Variants in CORIN observed in about 807,000 individuals in gnomAD.
CORIN encodes atrial natriuretic peptide-converting enzyme.
In CORIN, 117 loss-of-function variants were observed where a neutral mutation model predicts 125.3. The ratio of observed to expected loss-of-function variants is 0.93; its 90% CI spans 0.80 to 1.09. The LOEUF (loss-of-function observed/expected upper bound fraction) is 1.09. Among genes scored for constraint, CORIN ranks in the 50% least tolerant of loss-of-function variants. The pLI, the probability that CORIN is intolerant of heterozygous loss-of-function variation, is 0.00. For missense variants in CORIN, 1,253 were observed against 1,306.7 expected (o/e 0.96, Z 0.63); for synonymous variants, 450 against 466.4 (o/e 0.96, Z 0.45).
chr4:47,714,745 G>A (rs775692756), intron 5 of CORIN, among the ~76,000 whole-genome samples: 1 of 152,230 alleles, frequency 6.6e-6, no homozygotes, highest in Non-Finnish European at 1.5e-5. Context: ...GCTGCAGGCT[G>A]TCTTTGGCTC....
At chr4:47,802,911 GGAGA>G (rs996659611) in intron 2 of CORIN, among the ~76,000 whole-genome samples, 2 of 152,108 alleles carry the variant, frequency 1.3e-5, no homozygotes, top group Non-Finnish European at 2.9e-5. Context: ...CTCAGCACAG[GGAGA>G]GAGAGAGACT....
intron 5 of CORIN, among the ~76,000 whole-genome samples, chr4:47,731,293 G>A (rs1385281725): frequency 1.3e-5 from 2 of 152,166 alleles, no homozygotes; most frequent in African/African-American, 4.8e-5. Flanking sequence ...GTGTGTGTGT[G>A]TCTGCATGCT....
At chr4:47,818,268 G>A (rs140059900) in intron 1 of CORIN, among the ~76,000 whole-genome samples, 163 of 152,310 alleles carry the variant, frequency 1.1e-3, no homozygotes, top group African/African-American at 3.6e-3. Flanking sequence ...AGGCTGAGCA[G>A]ATAAGAAGGA....
intron 16 of CORIN, among the ~76,000 whole-genome samples, chr4:47,641,305 ATACT>A (rs1004344635): frequency 6.6e-6 from 1 of 152,196 alleles, no homozygotes; most frequent in African/African-American, 2.4e-5. Flanking sequence ...GGTAAAAGAA[ATACT>A]TACACATTCT....
intron 15 of CORIN, 132 bp downstream of exon 15, chr4:47,643,014 C>A (rs1473660707): frequency 2.6e-6 from 4 of 1,543,666 alleles, no homozygotes; most frequent in Non-Finnish European, 2.6e-6. Flanking sequence ...TCAGCACTAT[C>A]AGCTTTTATA....
intron 3 of CORIN, among the ~76,000 whole-genome samples, chr4:47,785,358 T>G (rs775839766): frequency 1.3e-5 from 2 of 152,184 alleles, no homozygotes; most frequent in Non-Finnish European, 2.9e-5. Context: ...TAGAGTCACA[T>G]TCCAGAGCAT....
chr4:47,823,310 G>A (rs750460451), intron 1 of CORIN, among the ~76,000 whole-genome samples: 16 of 152,024 alleles, frequency 1.1e-4, no homozygotes, highest in Non-Finnish European at 7.4e-5. Context: ...TTGCTTTTTG[G>A]AACAAGATGC....
At chr4:47,744,873 A>G (rs1398755431) in intron 4 of CORIN, among the ~76,000 whole-genome samples, 2 of 152,204 alleles carry the variant, frequency 1.3e-5, no homozygotes, top group Non-Finnish European at 2.9e-5. Flanking sequence ...TTGTCAGCCT[A>G]AAAGAGCTCT....
chr4:47,711,937 C>G (rs1726860640), intron 5 of CORIN, among the ~76,000 whole-genome samples: 1 of 152,190 alleles, frequency 6.6e-6, no homozygotes, highest in Non-Finnish European at 1.5e-5. Context: ...CCAGTCCAGC[C>G]TAGGGCTGTA....
chr4:47,645,300 G>T, intron 13 of CORIN, 106 bp from the exon 14 acceptor site: 1 of 662,498 alleles, frequency 1.5e-6, no homozygotes, highest in Non-Finnish European at 2.6e-6. Context: ...TGTTGGCAGG[G>T]CGCAGTGGCT....
Position 47,827,936 on chromosome 4 carries a change from G to C in CORIN, c.63+9951C>G, listed in dbSNP as rs116423385. Among the ~76,000 whole-genome samples the C allele has an allele frequency of 6.7e-3, 1,018 of 152,264 alleles. 9 individuals carry two copies. Among genetic ancestry groups the C allele is most frequent in the African/African-American group, 0.023 (962 of 41,520 alleles). On this transcript the variant is annotated intron_variant, in intron 1 of 21. Coordinates refer to ENST00000273857, the MANE Select transcript of CORIN (RefSeq NM_006587.4). ...GTAAGATGTTCGGATCTGACCTCTA[G>C]CCAGAGTAGATACCCTCAGAGAAAC...
intron 10 of CORIN, among the ~76,000 whole-genome samples, chr4:47,669,384 C>T (rs764273741): frequency 3.9e-5 from 6 of 151,912 alleles, no homozygotes; most frequent in Non-Finnish European, 8.8e-5. Context: ...TCATCTTTGC[C>T]TCAAACTCTA....
chr4:47,625,362 T>TAAC (rs61759682), intron 17 of CORIN, among the ~76,000 whole-genome samples: 3 of 152,048 alleles, frequency 2.0e-5, no homozygotes, highest in Non-Finnish European at 2.9e-5. Context: ...TTATATAAGA[T>TAAC]AACACTTGTA....
chr4:47,803,108 A>G lies in CORIN; in HGVS notation c.208+3795T>C, dbSNP rs189596713. Among the ~76,000 whole-genome samples the G allele has an allele frequency of 1.9e-4, 29 of 152,352 alleles. No individual in the cohort carries two copies. The East Asian group carries it at 4.4e-3, about 23-fold the overall frequency. On this transcript the variant is annotated intron_variant, in intron 2 of 21. Coordinates refer to ENST00000273857, the MANE Select transcript of CORIN (RefSeq NM_006587.4). ...GAAGACCTGAAACACCTTCCCAAGA[A>G]AAATGGACACAAATGGGCCCAGACT...
intron 3 of CORIN, among the ~76,000 whole-genome samples, chr4:47,776,092 T>C (rs917719307): frequency 2.6e-5 from 4 of 151,514 alleles, no homozygotes; most frequent in Admixed American, 6.6e-5. Flanking sequence ...AGATCTCGGC[T>C]CACTTCAACT....
rs1317756802 is a variant in CORIN at position 47,832,010 on chromosome 4, A to T, written c.63+5877T>A. Among the ~76,000 whole-genome samples, 3 of 152,230 alleles carry T rather than the reference A, an allele frequency of 2.0e-5. No individual in the cohort carries two copies. In the East Asian group the frequency reaches 5.8e-4, roughly 29 times the overall value. On this transcript the variant is annotated intron_variant, in intron 1 of 21. Transcript: ENST00000273857. ...ATTAGTTTTTAAGCCTGATTAAATTAAACACTTGGTGGATCTTTCCCCCAA... is the reference window on the plus strand; with the variant it reads ...ATTAGTTTTTAAGCCTGATTAAATTTAACACTTGGTGGATCTTTCCCCCAA...
chr4:47,730,578 G>A (rs1419255017), intron 5 of CORIN, among the ~76,000 whole-genome samples: 1 of 151,728 alleles, frequency 6.6e-6, no homozygotes, highest in Non-Finnish European at 1.5e-5. Context: ...AAGCACTCTT[G>A]CAGGCCTCTG....
At chr4:47,646,950 A>T (rs1197243233) in intron 13 of CORIN, among the ~76,000 whole-genome samples, 1 of 152,222 alleles carries the variant, frequency 6.6e-6, no homozygotes, top group Non-Finnish European at 1.5e-5. Context: ...CAATTATAAA[A>T]ATAAGTGACC....
rs115542356 is a variant in CORIN at position 47,745,104 on chromosome 4, T to C, written c.618-521A>G. 7.2e-3 allele frequency among the ~76,000 whole-genome samples: 1,097 copies of C among 152,316 alleles called. 11 individuals are homozygous for C. The highest frequency in any genetic ancestry group is 0.025 in the African/African-American group (1,036 of 41,566). On this transcript the variant is annotated intron_variant, in intron 4 of 21. Coordinates refer to ENST00000273857, the MANE Select transcript of CORIN (RefSeq NM_006587.4). Reference sequence around the variant, plus strand: ...ATGAGTGGCAACTTGGAAGACCTTGTACAGTTATTTATCTTTTCAGATTTC... The same window carrying C: ...ATGAGTGGCAACTTGGAAGACCTTGCACAGTTATTTATCTTTTCAGATTTC...
Sources: gnomAD v4.1 joint callset for allele counts (sites outside exome capture counted in the v4.1 genomes callset) on GRCh38, gnomAD v4.1.1 for gene constraint, MANE v1.5 for transcripts, NCBI Gene and HGNC (gene_info 2026-07-23, HGNC 2026-07-21) for gene names.